The following SORCS2 variants were observed in gnomAD, a reference collection of about 807,000 sequenced individuals.
SORCS2 encodes sortilin related VPS10 domain containing receptor 2, also known as VPS10 domain-containing receptor SorCS2.
A neutral mutation model predicts 141.6 loss-of-function variants in SORCS2; 100 were observed. The observed-to-expected ratio is 0.71, with a 90% CI of 0.60 to 0.83. SORCS2 has a LOEUF of 0.83. Among genes scored for constraint, SORCS2 ranks in the 40% least tolerant of loss-of-function variants. SORCS2 has a pLI of 0.00. For synonymous variants in SORCS2, 789 were observed against 676.9 expected, an observed-to-expected ratio of 1.17 and a Z score of -2.57; for missense variants, 1,646 against 1,560.2, an observed-to-expected ratio of 1.05 and a Z score of -0.93.
rs556631407 is a variant in SORCS2 at position 7,310,917 on chromosome 4, AAC to A, written c.481-85369_481-85368del. Among the ~76,000 whole-genome samples, 30 of 152,346 alleles carry A rather than the reference AAC, an allele frequency of 2.0e-4. No homozygotes were observed. In the South Asian group the frequency reaches 5.8e-3, roughly 29 times the overall value. On this transcript the variant is annotated intron_variant, in intron 1 of 26. Transcript: ENST00000507866. ...CCAGCTTTCTGCAGGGTTTCAAAAG[AAC>A]AGTTTTATTGAGGTATAATAGAGAT...
intron 1 of SORCS2, among the ~76,000 whole-genome samples, chr4:7,344,440 C>T (rs1009074053): frequency 1.3e-5 from 2 of 152,078 alleles, no homozygotes; most frequent in African/African-American, 4.8e-5. Context: ...GATGGAGGGC[C>T]GAGTCTATGT....
At chr4:7,505,324 G>C (rs994937256) in intron 2 of SORCS2, among the ~76,000 whole-genome samples, 4 of 152,190 alleles carry the variant, frequency 2.6e-5, no homozygotes, top group African/African-American at 9.7e-5. Flanking sequence ...AGCCAGGCAC[G>C]GGGCTGGGGG....
At chr4:7,313,210 G>T in intron 1 of SORCS2, among the ~76,000 whole-genome samples, 1 of 152,244 alleles carries the variant, frequency 6.6e-6, no homozygotes, top group East Asian at 1.9e-4. Context: ...AAAGCAATGG[G>T]AATACAAATA....
chr4:7,193,679 G>A lies in SORCS2; in HGVS notation c.480+553G>A, dbSNP rs1019903709. Among the ~76,000 whole-genome samples, 3 of 152,170 alleles carry A rather than the reference G, an allele frequency of 2.0e-5. No individual in the cohort carries two copies. Among genetic ancestry groups the A allele is most frequent in the Non-Finnish European group, 4.4e-5 (3 of 68,026 alleles). ...CCCTCTCCCCGGGGTACTCTAGTGC[G>A]ACCCGCGGCTGTCTTGAGCTCTTGC... On this transcript the variant is annotated intron_variant, in intron 1 of 26. Coordinates refer to ENST00000507866, the MANE Select transcript of SORCS2 (RefSeq NM_020777.3). This position sits in a 1 kb window ranked among gnomAD's most constrained non-coding sequence, Gnocchi z 4.8.
chr4:7,361,568 T>C (rs142528667), intron 1 of SORCS2, among the ~76,000 whole-genome samples: 1 of 152,084 alleles, frequency 6.6e-6, no homozygotes, highest in Non-Finnish European at 1.5e-5. Context: ...TCTGTTATCA[T>C]AATCCCTGGG....
chr4:7,350,315 C>T (rs907882998), intron 1 of SORCS2, among the ~76,000 whole-genome samples: 1 of 152,068 alleles, frequency 6.6e-6, no homozygotes, highest in African/African-American at 2.4e-5. Context: ...AGTGGGGCTA[C>T]AGTTCAGTTC....
rs541628233 is a variant in SORCS2 at position 7,354,289 on chromosome 4, T to TC, written c.481-41993dup. On this transcript the variant is annotated intron_variant, in intron 1 of 26. Coordinates refer to ENST00000507866, the MANE Select transcript of SORCS2 (RefSeq NM_020777.3). ...AATGTGAGCTCTGACCTTGGACGTA[T>TC]CCCCCCATGGTAAGGCAAGAGGACC... 3.4e-3 allele frequency among the ~76,000 whole-genome samples: 513 copies of TC among 151,734 alleles called. 2 individuals carry two copies. The highest frequency in any genetic ancestry group is 0.01 in the Middle Eastern group (3 of 294).
intron 1 of SORCS2, among the ~76,000 whole-genome samples, chr4:7,340,275 A>G (rs1241845874): frequency 2.0e-5 from 3 of 152,244 alleles, no homozygotes; most frequent in African/African-American, 7.2e-5. Flanking sequence ...GCCCCATGTG[A>G]TGGAGTGTGG....
intron 1 of SORCS2, among the ~76,000 whole-genome samples, chr4:7,383,266 C>G (rs1034256083): frequency 1.3e-5 from 2 of 152,152 alleles, no homozygotes; most frequent in Non-Finnish European, 2.9e-5. Context: ...AGGGGTAGGC[C>G]TTTAGAGGTC....
chr4:7,224,239 G>A (rs959574872), intron 1 of SORCS2, among the ~76,000 whole-genome samples: 7 of 152,236 alleles, frequency 4.6e-5, no homozygotes, highest in Non-Finnish European at 8.8e-5. Flanking sequence ...GGCTGGGGAA[G>A]GAAGGTCTGA....
At chr4:7,555,581 A>G (rs1270119991) in intron 3 of SORCS2, among the ~76,000 whole-genome samples, 1 of 152,244 alleles carries the variant, frequency 6.6e-6, no homozygotes, top group Non-Finnish European at 1.5e-5. Context: ...AGGGTTGGGT[A>G]TCGGATGAAA....
intron 1 of SORCS2, among the ~76,000 whole-genome samples, chr4:7,285,968 C>G (rs2060583445): frequency 6.6e-6 from 1 of 152,164 alleles, no homozygotes; most frequent in Admixed American, 6.5e-5. Context: ...AGTGCGGGGA[C>G]CAGCACCACC....
chr4:7,526,809 G>C (rs4501225), intron 2 of SORCS2, among the ~76,000 whole-genome samples: 1 of 152,210 alleles, frequency 6.6e-6, no homozygotes, highest in Non-Finnish European at 1.5e-5. Context: ...TAAAACTGCT[G>C]TAAGAAATAA....
intron 14 of SORCS2, among the ~76,000 whole-genome samples, chr4:7,711,447 G>A (rs1260595912): frequency 6.6e-6 from 1 of 152,206 alleles, no homozygotes. Context: ...GACTGGAGCA[G>A]CGTGCATCAC....
In SORCS2 at chr4:7,225,959, G is replaced by C. The variant is rs188546409; in HGVS notation, c.480+32833G>C. ...TCCACTGTGAACCTGTCAGAAGCCT[G>C]TCTGGGTTCAAGGGGAGGCAACAAA... On this transcript the variant is annotated intron_variant, in intron 1 of 26. Transcript: ENST00000507866. Among the ~76,000 whole-genome samples, 302 of 152,304 alleles carry C rather than the reference G, an allele frequency of 2.0e-3. 1 individual carries two copies. Among genetic ancestry groups the C allele is most frequent in the Admixed American group, 4.1e-3 (63 of 15,298 alleles).
intron 1 of SORCS2, among the ~76,000 whole-genome samples, chr4:7,194,151 C>T (rs1299931401): frequency 1.3e-5 from 2 of 151,964 alleles, no homozygotes; most frequent in Non-Finnish European, 2.9e-5. Context: ...GAGGAGGGTA[C>T]ATTTGTATGG....
At chr4:7,329,733 T>C (rs948078277) in intron 1 of SORCS2, among the ~76,000 whole-genome samples, 3 of 152,174 alleles carry the variant, frequency 2.0e-5, no homozygotes, top group African/African-American at 7.2e-5. Context: ...CAACTTAACA[T>C]GTTTTGACTT....
At chr4:7,328,146 C>A (rs1377459255) in intron 1 of SORCS2, among the ~76,000 whole-genome samples, 1 of 151,254 alleles carries the variant, frequency 6.6e-6, no homozygotes, top group African/African-American at 2.4e-5. Context: ...CCACCTCAGC[C>A]TCCGGAGTAG....
intron 1 of SORCS2, among the ~76,000 whole-genome samples, chr4:7,281,496 T>C (rs1252377701): frequency 1.3e-5 from 2 of 152,196 alleles, no homozygotes; most frequent in East Asian, 1.9e-4. Flanking sequence ...TTCTGTCCTG[T>C]TGCTGGGCTG....
Sources: gnomAD v4.1 joint callset for allele counts (sites outside exome capture counted in the v4.1 genomes callset) on GRCh38, gnomAD v4.1.1 for gene constraint, Gnocchi (gnomAD v3.1) non-coding constraint, MANE v1.5 for transcripts, NCBI Gene and HGNC (gene_info 2026-07-23, HGNC 2026-07-21) for gene names.